Variants in FANCL observed in about 807,000 individuals in gnomAD.
The protein encoded by FANCL is E3 ubiquitin-protein ligase FANCL.
A neutral mutation model predicts 59.4 loss-of-function variants in FANCL; 69 were observed. The observed-to-expected ratio is 1.16, with a 90% CI of 0.96 to 1.42. The LOEUF is 1.42. Ranked by LOEUF, FANCL falls within the 40% of genes most tolerant of loss-of-function variation. FANCL has a pLI of 0.00. For missense variants in FANCL, 519 were observed against 447.2 expected (o/e 1.16, Z -1.45); for synonymous variants, 180 against 147.1 (o/e 1.22, Z -1.62).
intron 6 of FANCL, among the ~76,000 whole-genome samples, chr2:58,203,154 T>C (rs1690215722): frequency 6.6e-6 from 1 of 151,862 alleles, no homozygotes; most frequent in African/African-American, 2.4e-5. Context: ...CCAAGACTTA[T>C]CACATATGGA....
intron 5 of FANCL, among the ~76,000 whole-genome samples, chr2:58,221,525 T>G (rs1430120463): frequency 6.6e-6 from 1 of 152,174 alleles, no homozygotes; most frequent in African/African-American, 2.4e-5. Context: ...CAAAAGCACT[T>G]ATAATGTTAT....
intron 7 of FANCL, among the ~76,000 whole-genome samples, chr2:58,190,668 A>T (rs183939860): frequency 6.6e-6 from 1 of 151,952 alleles, no homozygotes; most frequent in Non-Finnish European, 1.5e-5. Flanking sequence ...TTTACATCAC[A>T]TAAGTTCAAA....
intron 1 of FANCL, among the ~76,000 whole-genome samples, chr2:58,235,241 G>C (rs1355726772): frequency 6.6e-6 from 1 of 151,998 alleles, no homozygotes; most frequent in Non-Finnish European, 1.5e-5. Flanking sequence ...CTTCAGCTGA[G>C]TACTGCTTGC....
In FANCL at chr2:58,229,798, T is replaced by C; in HGVS notation, c.216+16A>G. 1 of 1,587,456 alleles carries C rather than the reference T, an allele frequency of 6.3e-7. No homozygotes were observed. The highest frequency in any genetic ancestry group is 8.7e-7 in the Non-Finnish European group (1 of 1,155,948). ...TTATCTTCACTGAAAACATAAACCT[T>C]TTAAAAAGGACTTACCTGTTGTACT... On this transcript the variant is annotated intron_variant, in intron 3 of 13. Coordinates refer to ENST00000233741, the MANE Select transcript of FANCL (RefSeq NM_018062.4).
At chr2:58,190,453 T>C (rs949374959) in intron 7 of FANCL, among the ~76,000 whole-genome samples, 5 of 141,398 alleles carry the variant, frequency 3.5e-5, no homozygotes, top group Admixed American at 1.4e-4. Context: ...TCCTATATTG[T>C]GTACTATTCA....
intron 7 of FANCL, among the ~76,000 whole-genome samples, chr2:58,176,338 A>AAGAAC (rs1160865887): frequency 6.6e-6 from 1 of 152,066 alleles, no homozygotes; most frequent in African/African-American, 2.4e-5. Context: ...CCTAAGCCAA[A>AAGAAC]AGAACAAAGC....
At chr2:58,179,254 A>C (rs1283394009) in intron 7 of FANCL, among the ~76,000 whole-genome samples, 1 of 152,202 alleles carries the variant, frequency 6.6e-6, no homozygotes, top group South Asian at 2.1e-4. Context: ...ATATGGAACC[A>C]ATAAAGAGCC....
At chr2:58,192,779 G>C (rs1234860765) in intron 7 of FANCL, among the ~76,000 whole-genome samples, 1 of 151,766 alleles carries the variant, frequency 6.6e-6, no homozygotes, top group Admixed American at 6.6e-5. Flanking sequence ...ACTACTGAAA[G>C]AATCAGCTAA....
At chr2:58,207,547 TA>T (rs1690716267) in intron 5 of FANCL, among the ~76,000 whole-genome samples, 1 of 152,194 alleles carries the variant, frequency 6.6e-6, no homozygotes, top group South Asian at 2.1e-4. Context: ...TCTGAATTGT[TA>T]AATGAGAGAT....
chr2:58,232,032 T>A (rs753448913), intron 2 of FANCL, 22 bp downstream of exon 2: 94 of 1,610,908 alleles, frequency 5.8e-5, no homozygotes, highest in Non-Finnish European at 7.7e-5. Flanking sequence ...AAATGCACGT[T>A]TATAACTAAA....
chr2:58,238,333 G>T (rs929584978), intron 1 of FANCL, among the ~76,000 whole-genome samples: 1 of 152,136 alleles, frequency 6.6e-6, no homozygotes, highest in African/African-American at 2.4e-5. Flanking sequence ...TTTTGATCAA[G>T]AACTACCATC....
At chr2:58,166,759 G>A (rs2104825945) in intron 7 of FANCL, among the ~76,000 whole-genome samples, 1 of 152,252 alleles carries the variant, frequency 6.6e-6, no homozygotes, top group East Asian at 1.9e-4. Context: ...TACACCCTAA[G>A]ATGAAAAGAA....
At chr2:58,161,770 T>A in intron 11 of FANCL, 132 bp from the exon 12 acceptor site, 1 of 664,212 alleles carries the variant, frequency 1.5e-6, no homozygotes. Context: ...ATAATTAAGA[T>A]ATTCATCACC....
intron 5 of FANCL, among the ~76,000 whole-genome samples, chr2:58,205,846 G>A (rs1422257837): frequency 6.6e-6 from 1 of 151,906 alleles, no homozygotes; most frequent in East Asian, 1.9e-4. Context: ...TGATAAAAGG[G>A]GGAAGAAGAA....
chr2:58,189,870 A>G (rs1688752260), intron 7 of FANCL, among the ~76,000 whole-genome samples: 1 of 152,038 alleles, frequency 6.6e-6, no homozygotes, highest in Non-Finnish European at 1.5e-5. Flanking sequence ...GTTGTTTTCA[A>G]TTCTGATCTT....
intron 5 of FANCL, among the ~76,000 whole-genome samples, chr2:58,221,367 G>C (rs1353177379): frequency 1.3e-5 from 2 of 152,010 alleles, no homozygotes; most frequent in Non-Finnish European, 2.9e-5. Context: ...TTTCCAGGTG[G>C]TATGTGGATT....
chr2:58,159,815 C>A lies in FANCL; in HGVS notation c.1093-15G>T, dbSNP rs767450055. ...AAGGTAATTGGCTTTAAAAAGAGAA[C>A]ATATTTTAACAAAGTTTGTGGACAC... On this transcript the variant is annotated splice_polypyrimidine_tract_variant and intron_variant, in intron 13 of 13. Coordinates refer to ENST00000233741, the MANE Select transcript of FANCL (RefSeq NM_018062.4). The A allele has an allele frequency of 5.6e-6, 9 of 1,611,746 alleles. No individual in the cohort carries two copies. The highest frequency in any genetic ancestry group is 6.8e-6 in the Non-Finnish European group (8 of 1,179,194).
chr2:58,161,615 A>C lies in FANCL; in HGVS notation c.927T>G (p.Ile309Met). 6.2e-7 allele frequency: 1 copy of C among 1,610,928 alleles called. No homozygotes were observed. The highest frequency in any genetic ancestry group is 8.5e-7 in the Non-Finnish European group (1 of 1,177,490). ...EKSDFTMDCG[I>M]CYAYQLDGTI... ...TACCGTCAAGTTGATAAGCATAACA[A>C]ATTCCACAATCCATAGTAAAATCCT... Residue 309 changes from isoleucine to methionine, a missense_variant, in exon 12 of 14, where the codon ATT (isoleucine) becomes ATG (methionine). Transcript: ENST00000233741.
In FANCL at chr2:58,159,551, C is replaced by G. The variant is rs776125101; in HGVS notation, c.*214G>C. Reference sequence around the variant, plus strand: ...ACTTCCACAGTCAGCACGGGGATCACAGACTTAGAAAGTTCAACTGGACTT... The same window carrying G: ...ACTTCCACAGTCAGCACGGGGATCAGAGACTTAGAAAGTTCAACTGGACTT... On this transcript the variant is annotated 3_prime_UTR_variant, in exon 14 of 14. Coordinates refer to ENST00000233741, the MANE Select transcript of FANCL (RefSeq NM_018062.4). 6.2e-7 allele frequency: 1 copy of G among 1,613,818 alleles called. No individual in the cohort carries two copies. Among genetic ancestry groups the G allele is most frequent in the Non-Finnish European group, 8.5e-7 (1 of 1,179,808 alleles).
Sources: allele counts gnomAD v4.1 joint callset (sites outside exome capture counted in the v4.1 genomes callset), GRCh38; gene constraint gnomAD v4.1.1; transcripts MANE v1.5; gene names NCBI Gene and HGNC (gene_info 2026-07-23, HGNC 2026-07-21).